PRKG1: variants seen among roughly 807,000 people sequenced by gnomAD.
PRKG1 encodes cGMP-dependent protein kinase 1.
Under a neutral mutation model 88.1 loss-of-function variants are expected in PRKG1, and 35 were observed. The ratio of observed to expected loss-of-function variants is 0.40; its 90% CI spans 0.30 to 0.53. PRKG1 has a LOEUF of 0.53. Ranked by LOEUF, PRKG1 falls within the 20% of genes least tolerant of loss-of-function variation. PRKG1 has a pLI of 0.59. For synonymous variants in PRKG1, 303 were observed against 292.5 expected, an observed-to-expected ratio of 1.04 and a Z score of -0.37; for missense variants, 540 against 839.8, an observed-to-expected ratio of 0.64 and a Z score of 4.41.
chr10:52,229,146 ATTTAT>A (rs1840465466), intron 9 of PRKG1, among the ~76,000 whole-genome samples: 2 of 151,900 alleles, frequency 1.3e-5, no homozygotes, highest in South Asian at 2.1e-4. Flanking sequence ...TCTCTTTTCT[ATTTAT>A]TTTATTTTCA....
intron 4 of PRKG1, among the ~76,000 whole-genome samples, chr10:51,806,840 G>C (rs1015561662): frequency 1.3e-5 from 2 of 152,022 alleles, no homozygotes; most frequent in African/African-American, 4.8e-5. Context: ...ACAATTCCAT[G>C]TACCCATGCC....
intron 4 of PRKG1, among the ~76,000 whole-genome samples, chr10:51,881,174 G>A (rs193209845): frequency 6.6e-6 from 1 of 152,110 alleles, no homozygotes; most frequent in East Asian, 1.9e-4. Context: ...GCGCATGAAG[G>A]GGAGAGGGCT....
intron 2 of PRKG1, among the ~76,000 whole-genome samples, chr10:51,392,445 G>T (rs1312599715): frequency 6.6e-6 from 1 of 152,160 alleles, no homozygotes; most frequent in African/African-American, 2.4e-5. Flanking sequence ...CACCGGGTTG[G>T]GGGTAAGGTC....
At chr10:51,583,388 A>G (rs1245529561) in intron 3 of PRKG1, among the ~76,000 whole-genome samples, 1 of 152,122 alleles carries the variant, frequency 6.6e-6, no homozygotes, top group Non-Finnish European at 1.5e-5. Context: ...GAATTCTGCT[A>G]TCTCATCATT....
intron 9 of PRKG1, among the ~76,000 whole-genome samples, chr10:52,183,609 C>T (rs569560586): frequency 3.8e-4 from 58 of 152,268 alleles, no homozygotes; most frequent in African/African-American, 1.1e-3. Context: ...TTCAGCCACC[C>T]ATGTGGGCTT....
At chr10:51,697,894 G>A in intron 3 of PRKG1, 2 of 1,611,004 alleles carry the variant, frequency 1.2e-6, no homozygotes, top group Non-Finnish European at 1.7e-6. Context: ...CACCTTGCTT[G>A]CTTGCCCCCT....
At chr10:51,573,394 T>A (rs1837805990) in intron 3 of PRKG1, among the ~76,000 whole-genome samples, 2 of 152,074 alleles carry the variant, frequency 1.3e-5, no homozygotes, top group African/African-American at 4.8e-5. Context: ...TATTGAACTC[T>A]GAATGATATA....
At chr10:51,984,530 C>A (rs1844099600) in intron 5 of PRKG1, among the ~76,000 whole-genome samples, 1 of 152,088 alleles carries the variant, frequency 6.6e-6, no homozygotes, top group African/African-American at 2.4e-5. Flanking sequence ...GTGTTATAGG[C>A]AACAGGATTT....
intron 9 of PRKG1, among the ~76,000 whole-genome samples, chr10:52,207,938 C>T (rs1839863992): frequency 6.6e-6 from 1 of 152,090 alleles, no homozygotes; most frequent in South Asian, 2.1e-4. Context: ...GGGAGATATT[C>T]CTCCTGGCAG....
chr10:51,671,590 C>T (rs77024688), intron 3 of PRKG1, among the ~76,000 whole-genome samples: 74 of 141,786 alleles, frequency 5.2e-4, no homozygotes, highest in South Asian at 9.0e-4. Context: ...CTCTCTCTCT[C>T]TTTTTTTTTT....
chr10:51,327,242 C>G (rs968896247), intron 2 of PRKG1, among the ~76,000 whole-genome samples: 1 of 151,878 alleles, frequency 6.6e-6, no homozygotes, highest in African/African-American at 2.4e-5. Flanking sequence ...TGAAGAAACC[C>G]TGTCTCTACT....
intron 3 of PRKG1, among the ~76,000 whole-genome samples, chr10:51,714,214 G>C (rs1589226055): frequency 6.6e-6 from 1 of 152,112 alleles, no homozygotes; most frequent in African/African-American, 2.4e-5. Flanking sequence ...TCCTGACCTC[G>C]TGATCCGCCC....
intron 3 of PRKG1, among the ~76,000 whole-genome samples, chr10:51,743,213 C>T (rs1837480537): frequency 1.3e-5 from 2 of 152,108 alleles, no homozygotes; most frequent in Admixed American, 1.3e-4. Context: ...GACGCGGTAA[C>T]AGGGCTCAGC....
intron 1 of PRKG1, among the ~76,000 whole-genome samples, chr10:51,000,728 A>G (rs75828413): frequency 0.02 from 3,070 of 152,334 alleles, 54 homozygotes; most frequent in Middle Eastern, 0.071. Flanking sequence ...AAGGCTAAGT[A>G]TTAAGAGTTC....
At chr10:51,791,683 A>C (rs892414791) in intron 3 of PRKG1, among the ~76,000 whole-genome samples, 7 of 152,116 alleles carry the variant, frequency 4.6e-5, no homozygotes, top group Admixed American at 2.6e-4. Context: ...CTATGAAGCA[A>C]GGTATAGTGG....
intron 2 of PRKG1, among the ~76,000 whole-genome samples, chr10:51,441,263 T>C (rs1431819099): frequency 6.6e-6 from 1 of 152,008 alleles, no homozygotes; most frequent in Non-Finnish European, 1.5e-5. Flanking sequence ...TCAGTTTTGC[T>C]CTTGTTCTCT....
chr10:51,913,227 C>T (rs886320849), intron 5 of PRKG1, among the ~76,000 whole-genome samples: 1 of 152,138 alleles, frequency 6.6e-6, no homozygotes, highest in Non-Finnish European at 1.5e-5. Context: ...CGGCGCCCAC[C>T]CAATTTCTAT....
chr10:51,513,187 G>C (rs989590408), intron 3 of PRKG1, among the ~76,000 whole-genome samples: 2 of 148,708 alleles, frequency 1.3e-5, no homozygotes, highest in Admixed American at 1.3e-4. Flanking sequence ...AAAGGCAGGG[G>C]TTGCAATCCT....
In PRKG1 at chr10:51,340,173, A is replaced by G. The variant is rs74131613; in HGVS notation, c.479-127550A>G. Among the ~76,000 whole-genome samples, 1,244 of 152,212 alleles carry G rather than the reference A, an allele frequency of 8.2e-3. 16 individuals are homozygous for G. The highest frequency in any genetic ancestry group is 0.029 in the African/African-American group (1,190 of 41,566). The stretch of plus-strand genomic sequence containing the variant: ...CTTTTGTAGCATTAGCCTTCATTTC[A>G]TTATGTCAGGTTAAAGACATTTTTA... On this transcript the variant is annotated intron_variant, in intron 2 of 17. Coordinates refer to ENST00000373980, the MANE Select transcript of PRKG1 (RefSeq NM_006258.4).
Sources: gnomAD v4.1 joint callset for allele counts (sites outside exome capture counted in the v4.1 genomes callset) on GRCh38, gnomAD v4.1.1 for gene constraint, MANE v1.5 for transcripts, NCBI Gene and HGNC (gene_info 2026-07-23, HGNC 2026-07-21) for gene names.